Variants in SORCS2 observed in about 807,000 individuals in gnomAD.
The protein encoded by SORCS2 is sortilin related VPS10 domain containing receptor 2, also known as VPS10 domain-containing receptor SorCS2.
Under a neutral mutation model 141.6 loss-of-function variants are expected in SORCS2, and 100 were observed. The ratio of observed to expected loss-of-function variants is 0.71; its 90% CI spans 0.60 to 0.83. The LOEUF (loss-of-function observed/expected upper bound fraction) is 0.83. Among genes scored for constraint, SORCS2 ranks in the 40% least tolerant of loss-of-function variants. The pLI, the probability that SORCS2 is intolerant of heterozygous loss-of-function variation, is 0.00. For missense variants in SORCS2, 1,646 were observed against 1,560.2 expected (o/e 1.05, Z -0.93); for synonymous variants, 789 against 676.9 (o/e 1.17, Z -2.57).
At chr4:7,328,043 T>TTTG (rs1719398158) in intron 1 of SORCS2, among the ~76,000 whole-genome samples, 1 of 129,546 alleles carries the variant, frequency 7.7e-6, no homozygotes, top group African/African-American at 3.3e-5. Context: ...TTTTTTTTTT[T>TTTG]GAGACCAAGT....
rs573762625 is a variant in SORCS2, at chr4:7,664,201, G to C, written c.953-152G>C. Among the ~76,000 whole-genome samples the C allele has an allele frequency of 5.9e-5, 9 of 152,260 alleles. No homozygotes were observed. Among genetic ancestry groups the C allele is most frequent in the Admixed American group, 2.0e-4 (3 of 15,300 alleles). ...ACAGTGAGCGAGGATGACACCCTCA[G>C]CCGCAGGTGTCATCACGGTGGCCTT... On this transcript the variant is annotated intron_variant, in intron 6 of 26. Coordinates refer to ENST00000507866, the MANE Select transcript of SORCS2 (RefSeq NM_020777.3). The surrounding 1 kb of genome is among the most constrained non-coding windows in gnomAD (Gnocchi z 4.7).
chr4:7,451,319 G>A (rs1015567528), intron 2 of SORCS2, among the ~76,000 whole-genome samples: 1 of 152,210 alleles, frequency 6.6e-6, no homozygotes, highest in Admixed American at 6.5e-5. Flanking sequence ...GTCTCTGGGA[G>A]CCCCTGCCAC....
At chr4:7,422,696 G>A (rs1452825920) in intron 2 of SORCS2, among the ~76,000 whole-genome samples, 5 of 152,122 alleles carry the variant, frequency 3.3e-5, no homozygotes, top group South Asian at 2.1e-4. Context: ...AGGATGTCCC[G>A]GAACAGGGAC....
chr4:7,301,586 C>T (rs779525087), intron 1 of SORCS2, among the ~76,000 whole-genome samples: 10 of 152,368 alleles, frequency 6.6e-5, no homozygotes, highest in East Asian at 3.9e-4. Flanking sequence ...CTTCTCCCCA[C>T]GGGGCAGAGG....
At chr4:7,373,335 T>C (rs1577461496) in intron 1 of SORCS2, among the ~76,000 whole-genome samples, 2 of 151,360 alleles carry the variant, frequency 1.3e-5, no homozygotes, top group East Asian at 3.9e-4. Flanking sequence ...GAAATGATAC[T>C]GAGCATCTTT....
intron 7 of SORCS2, 83 bp from the exon 8 acceptor site, chr4:7,667,041 T>C (rs1560468382): frequency 8.1e-7 from 1 of 1,229,034 alleles, no homozygotes; most frequent in Admixed American, 1.7e-5. Context: ...ACTTGCTGAA[T>C]ATAACATGTA....
intron 3 of SORCS2, among the ~76,000 whole-genome samples, chr4:7,633,238 C>T (rs1159768953): frequency 1.3e-5 from 2 of 152,118 alleles, no homozygotes; most frequent in East Asian, 1.9e-4. Context: ...ATGCAAACAT[C>T]CTCCGCTAAC....
chr4:7,489,139 C>T (rs139713211), intron 2 of SORCS2, among the ~76,000 whole-genome samples: 159 of 152,296 alleles, frequency 1.0e-3, no homozygotes, highest in East Asian at 0.01. Flanking sequence ...GGCTGAAATC[C>T]GTGCAACGCT....
chr4:7,651,390 C>T (rs1247245978), intron 4 of SORCS2, among the ~76,000 whole-genome samples: 5 of 152,164 alleles, frequency 3.3e-5, no homozygotes, highest in Non-Finnish European at 7.3e-5. Context: ...GGAGCCCAGG[C>T]TTCCTGGCAT....
chr4:7,435,277 G>A (rs2109241758), intron 2 of SORCS2, among the ~76,000 whole-genome samples: 1 of 152,126 alleles, frequency 6.6e-6, no homozygotes, highest in East Asian at 1.9e-4. Context: ...TCCCCTCCTG[G>A]AATGTGAGCC....
At chr4:7,561,901 A>G (rs947790078) in intron 3 of SORCS2, among the ~76,000 whole-genome samples, 5 of 151,964 alleles carry the variant, frequency 3.3e-5, no homozygotes, top group South Asian at 2.1e-4. Context: ...CTATCCATCA[A>G]TCTACTCATG....
At chr4:7,417,658 G>A (rs1725785021) in intron 2 of SORCS2, among the ~76,000 whole-genome samples, 3 of 152,194 alleles carry the variant, frequency 2.0e-5, no homozygotes, top group South Asian at 2.1e-4. Context: ...TTCCCGGAAC[G>A]TGGCCCTTGG....
At chr4:7,721,225 G>A (rs1726569779) in intron 18 of SORCS2, among the ~76,000 whole-genome samples, 1 of 152,222 alleles carries the variant, frequency 6.6e-6, no homozygotes, top group Admixed American at 6.5e-5. Context: ...AGCAGTTTGG[G>A]AGGCCGAGGT....
At chr4:7,338,912 C>A (rs1720201201) in intron 1 of SORCS2, among the ~76,000 whole-genome samples, 1 of 152,164 alleles carries the variant, frequency 6.6e-6, no homozygotes, top group African/African-American at 2.4e-5. Flanking sequence ...CGTGCTGGGG[C>A]CGTGAAGCCA....
At position 7,376,249 on chromosome 4, in the gene SORCS2, G is replaced by A. The variant is rs187032916; in HGVS notation, c.481-20039G>A. Among the ~76,000 whole-genome samples, 1,034 of 147,660 alleles carry A rather than the reference G, an allele frequency of 7.0e-3. 7 individuals are homozygous for A. The highest frequency in any genetic ancestry group is 0.011 in the Admixed American group (154 of 14,588). Reference sequence around the variant, plus strand: ...GTAAATATAAAGCATGCTTATTATAGAAAAGCTGGAAAATATGCAAAGAGT... The same window carrying A: ...GTAAATATAAAGCATGCTTATTATAAAAAAGCTGGAAAATATGCAAAGAGT... On this transcript the variant is annotated intron_variant, in intron 1 of 26. Transcript: ENST00000507866.
At chr4:7,342,362 C>T (rs1720414980) in intron 1 of SORCS2, among the ~76,000 whole-genome samples, 1 of 152,270 alleles carries the variant, frequency 6.6e-6, no homozygotes, top group Non-Finnish European at 1.5e-5. Context: ...TTTGTTGCTG[C>T]TGCCGCCATC....
intron 2 of SORCS2, among the ~76,000 whole-genome samples, chr4:7,508,138 G>C (rs1007707359): frequency 2.7e-5 from 4 of 150,590 alleles, no homozygotes; most frequent in African/African-American, 9.7e-5. Context: ...GAGTGGGTGG[G>C]AGAAGCTTTG....
Position 7,704,200 on chromosome 4 carries a change from C to G in SORCS2, c.1784C>G (p.Thr595Ser). The G allele has an allele frequency of 6.2e-7, 1 of 1,612,852 alleles. No individual in the cohort carries two copies. ...ILKFSVDEGL[T>S]WSTHNFTSTS... ...AGGTTCAGTGTGGACGAGGGCCTCA[C>G]CTGGAGCACGCACAACTTCACCAGC... The change falls in exon 14 of 27, where the codon ACC (threonine) becomes AGC (serine). Residue 595 changes from threonine to serine, a missense_variant. By Grantham distance (58) the Thr-to-Ser change is moderately conservative. Coordinates refer to ENST00000507866, the MANE Select transcript of SORCS2 (RefSeq NM_020777.3).
In SORCS2 at chr4:7,314,800, GTTTTTTTTTT is replaced by G. The variant is rs397880294; in HGVS notation, c.481-81468_481-81459del. ...CTCCCAGGAGCCTGCCCACTGTTCTGTTTTTTTTTTTTTTTTTTTTTTTTTTTTTATTGTT... is the reference window on the plus strand; with the variant it reads ...CTCCCAGGAGCCTGCCCACTGTTCTGTTTTTTTTTTTTTTTTTTTATTGTT... On this transcript the variant is annotated intron_variant, in intron 1 of 26. Coordinates refer to ENST00000507866, the MANE Select transcript of SORCS2 (RefSeq NM_020777.3). Among the ~76,000 whole-genome samples, 189 of 109,836 alleles carry G rather than the reference GTTTTTTTTTT, an allele frequency of 1.7e-3. 1 individual carries two copies. The highest frequency in any genetic ancestry group is 6.0e-3 in the African/African-American group (180 of 29,828). The allele number at this position is 109,836 out of a possible 152,430, so 72.1% of individuals were successfully genotyped here. A position where few individuals can be genotyped will look rare whatever the true frequency, so the allele number is the denominator to read the frequency against.
Sources: allele counts gnomAD v4.1 joint callset (sites outside exome capture counted in the v4.1 genomes callset), GRCh38; gene constraint gnomAD v4.1.1; non-coding constraint Gnocchi (gnomAD v3.1); transcripts MANE v1.5; gene names NCBI Gene and HGNC (gene_info 2026-07-23, HGNC 2026-07-21).